ATOX1: variants seen among roughly 807,000 people sequenced by gnomAD.
ATOX1 encodes the protein copper transport protein ATOX1.
ATOX1 carries 4 observed loss-of-function variants against 7.3 expected under a neutral mutation model. The observed-to-expected ratio is 0.55, with a 90% CI of 0.27 to 1.25. The LOEUF (loss-of-function observed/expected upper bound fraction) is 1.25, where lower values mean the gene tolerates loss of function less well. ATOX1 is among the 50% of genes most tolerant of loss of function. The pLI is 0.12. For synonymous variants in ATOX1, 25 were observed against 28.7 expected, an observed-to-expected ratio of 0.87 and a Z score of 0.41; for missense variants, 68 against 81.6, an observed-to-expected ratio of 0.83 and a Z score of 0.64.
chr5:151,748,369 C>T (rs895779277), intron 2 of ATOX1, among the ~76,000 whole-genome samples: 3 of 152,128 alleles, frequency 2.0e-5, no homozygotes, highest in Non-Finnish European at 2.9e-5. Context: ...CAGGGCTGGC[C>T]AGCTCCTGTG....
chr5:151,751,551 A>G (rs922943286), intron 2 of ATOX1, among the ~76,000 whole-genome samples, 153 bp downstream of exon 2: 2 of 152,218 alleles, frequency 1.3e-5, no homozygotes, highest in Non-Finnish European at 2.9e-5. Context: ...CACATAAGCC[A>G]CTAAGAAAAT....
intron 2 of ATOX1, among the ~76,000 whole-genome samples, chr5:151,750,943 G>A (rs1007220083): frequency 1.3e-5 from 2 of 151,780 alleles, no homozygotes; most frequent in South Asian, 2.1e-4. Flanking sequence ...GTGAGCCACC[G>A]TGCCCAGCCC....
intron 2 of ATOX1, 81 bp downstream of exon 2, chr5:151,751,623 C>T (rs1761949570): frequency 6.2e-6 from 9 of 1,444,462 alleles, no homozygotes; most frequent in Non-Finnish European, 8.5e-6. Flanking sequence ...TTATGATCAG[C>T]TTAACCCTAA....
chr5:151,752,984 T>C (rs1462173488), intron 1 of ATOX1, among the ~76,000 whole-genome samples: 1 of 152,200 alleles, frequency 6.6e-6, no homozygotes, highest in Non-Finnish European at 1.5e-5. Context: ...AGTGAGGTTA[T>C]GTGGCTTCTG....
intron 2 of ATOX1, among the ~76,000 whole-genome samples, chr5:151,747,581 G>C (rs553006290): frequency 2.0e-5 from 3 of 149,166 alleles, no homozygotes; most frequent in African/African-American, 4.9e-5. Flanking sequence ...CACTGCACCC[G>C]GTCCATTCTT....
At chr5:151,752,146 G>C in intron 1 of ATOX1, 1 of 638,330 alleles carries the variant, frequency 1.6e-6, no homozygotes, top group South Asian at 1.8e-5. Context: ...TGACAGGGAT[G>C]GGCCCCCATA....
chr5:151,754,723 G>A (rs1761991009), intron 1 of ATOX1, among the ~76,000 whole-genome samples: 1 of 152,052 alleles, frequency 6.6e-6, no homozygotes, highest in Non-Finnish European at 1.5e-5. Flanking sequence ...GGTGGCTCAT[G>A]CCTGTAATCC....
At chr5:151,755,651 A>G (rs1762005390) in intron 1 of ATOX1, among the ~76,000 whole-genome samples, 1 of 152,188 alleles carries the variant, frequency 6.6e-6, no homozygotes, top group Admixed American at 6.5e-5. Flanking sequence ...TATAAAGGTC[A>G]GAAGCCAGAA....
At chr5:151,748,901 C>G (rs1328091548) in intron 2 of ATOX1, among the ~76,000 whole-genome samples, 1 of 151,754 alleles carries the variant, frequency 6.6e-6, no homozygotes, top group African/African-American at 2.4e-5. Flanking sequence ...GGTTTCCCAG[C>G]CTGCATAACA....
chr5:151,750,509 C>CAA (rs5872228), intron 2 of ATOX1, among the ~76,000 whole-genome samples: 3,488 of 101,608 alleles, frequency 0.034, 223 homozygotes, highest in African/African-American at 0.099. Flanking sequence ...GACTTCATCT[C>CAA]AAAAAAAAAA....
chr5:151,757,861 C>T (rs888853118), intron 1 of ATOX1, among the ~76,000 whole-genome samples: 2 of 152,118 alleles, frequency 1.3e-5, no homozygotes, highest in African/African-American at 4.8e-5. Context: ...ATATAAAAAA[C>T]GAGGCCACGA....
chr5:151,752,337 G>C (rs1162256333), intron 1 of ATOX1: 7 of 702,202 alleles, frequency 1.0e-5, no homozygotes, highest in Non-Finnish European at 1.8e-5. Flanking sequence ...CATTCTCAGA[G>C]GCAGCATCTG....
intron 1 of ATOX1, chr5:151,752,126 C>G: frequency 1.6e-6 from 1 of 617,510 alleles, no homozygotes. Context: ...CTCAGGGCCA[C>G]CAGTAACTCT....
chr5:151,751,150 G>A (rs889373490), intron 2 of ATOX1, among the ~76,000 whole-genome samples: 1 of 151,270 alleles, frequency 6.6e-6, no homozygotes, highest in African/African-American at 2.4e-5. Context: ...CAGCTACTTG[G>A]AAGGCTGAGG....
At chr5:151,746,140 T>G in intron 3 of ATOX1, 139 bp downstream of exon 3, 1 of 708,296 alleles carries the variant, frequency 1.4e-6, no homozygotes, top group Non-Finnish European at 2.2e-6. Flanking sequence ...TTGTAACCAC[T>G]CCAAAGAAGG....
intron 1 of ATOX1, among the ~76,000 whole-genome samples, chr5:151,757,104 A>G (rs1762027983): frequency 6.6e-6 from 1 of 152,150 alleles, no homozygotes; most frequent in African/African-American, 2.4e-5. Context: ...GTATGTGTAT[A>G]TAGATATATT....
intron 3 of ATOX1, chr5:151,745,201 C>T (rs1291057289): frequency 6.6e-6 from 1 of 152,142 alleles, no homozygotes; most frequent in Admixed American, 6.5e-5. Flanking sequence ...TCAAAGAGGA[C>T]CTACCAGTCA....
At chr5:151,747,407 T>G (rs1485659117) in intron 2 of ATOX1, among the ~76,000 whole-genome samples, 4 of 150,916 alleles carry the variant, frequency 2.7e-5, no homozygotes, top group Admixed American at 2.0e-4. Flanking sequence ...CTTCTCAGCC[T>G]CCCAAGTTGT....
At chr5:151,750,794 T>C (rs1761940120) in intron 2 of ATOX1, among the ~76,000 whole-genome samples, 2 of 151,644 alleles carry the variant, frequency 1.3e-5, no homozygotes, top group Non-Finnish European at 2.9e-5. Context: ...AGTACAGGCA[T>C]GTAACACCAT....
Sources: gnomAD v4.1 joint callset for allele counts (sites outside exome capture counted in the v4.1 genomes callset) on GRCh38, gnomAD v4.1.1 for gene constraint, MANE v1.5 for transcripts, NCBI Gene and HGNC (gene_info 2026-07-23, HGNC 2026-07-21) for gene names.